The following TSKS variants were observed in gnomAD, a reference collection of about 807,000 sequenced individuals.
TSKS encodes the protein testis-specific serine kinase substrate.
Under a neutral mutation model 68.0 loss-of-function variants are expected in TSKS, and 27 were observed. The ratio of observed to expected loss-of-function variants is 0.40; its 90% CI spans 0.29 to 0.55. The LOEUF is 0.55. Among genes scored for constraint, TSKS ranks in the 20% least tolerant of loss-of-function variants. The probability of loss-of-function intolerance (pLI) is 0.53; values close to 1 mark genes in which losing one functional copy is unlikely to be tolerated. For synonymous variants in TSKS, 331 were observed against 340.4 expected (o/e 0.97, Z 0.30); for missense variants, 806 against 776.0 (o/e 1.04, Z -0.46).
At position 49,740,098 on chromosome 19, in the gene TSKS, C is replaced by G. The variant is rs530546172; in HGVS notation, c.1583G>C (p.Arg528Pro). 6.2e-7 allele frequency: 1 copy of G among 1,614,146 alleles called. No individual in the cohort carries two copies. Among genetic ancestry groups the G allele is most frequent in the Non-Finnish European group, 8.5e-7 (1 of 1,180,032 alleles). Residue 528 changes from arginine to proline, a missense_variant, in exon 10 of 11, where the codon CGG becomes CCG. Physicochemically the swap from Arg to Pro is moderately radical, Grantham distance 103. Coordinates refer to ENST00000246801, the MANE Select transcript of TSKS (RefSeq NM_021733.2). ...GTCTGTCAGCAGTAGGTTCTTGGCC[C>G]GCAGGGCCTCGTCTTGGGCCAGCCG... ...TLRLAQDEALRAKNLLLTDKM... is the reference protein window; with the variant it reads ...TLRLAQDEALPAKNLLLTDKM...
chr19:49,763,095 C>T lies in TSKS; in HGVS notation c.153G>A (p.Lys51=). ...SRAKGIPKKK[K]AVSFHGVEPQ... ...AAACCCACCCGTGGAACGACACGGCCTTCTTTTTCTTCGGGATCCCCTTGG... is the reference window on the plus strand; with the variant it reads ...AAACCCACCCGTGGAACGACACGGCTTTCTTTTTCTTCGGGATCCCCTTGG... The change falls in exon 1 of 11, where the codon AAG becomes AAA. Residue 51 remains lysine, a synonymous_variant. Coordinates refer to ENST00000246801, the MANE Select transcript of TSKS (RefSeq NM_021733.2). The surrounding 1 kb of genome is among the most constrained non-coding windows in gnomAD (Gnocchi z 4.5). 6.2e-7 allele frequency: 1 copy of T among 1,612,336 alleles called. No individual in the cohort carries two copies. The highest frequency in any genetic ancestry group is 8.5e-7 in the Non-Finnish European group (1 of 1,179,136).
chr19:49,763,115 C>T lies in TSKS; in HGVS notation c.133G>A (p.Gly45Arg), dbSNP rs1313304722. 3.1e-6 allele frequency: 5 copies of T among 1,612,470 alleles called. No homozygotes were observed. The highest frequency in any genetic ancestry group is 2.7e-5 in the African/African-American group (2 of 74,806). The change falls in exon 1 of 11, where the codon GGG (glycine) becomes AGG (arginine). Residue 45 changes from glycine (G) to arginine (R), a missense_variant. Transcript: ENST00000246801. The surrounding 1 kb of genome is among the most constrained non-coding windows in gnomAD (Gnocchi z 4.5). The stretch of plus-strand genomic sequence containing the variant: ...ACGGCCTTCTTTTTCTTCGGGATCC[C>T]CTTGGCCCGGCTGGTCACCCTCCGG... ...APRRVTSRAKGIPKKKKAVSF... is the reference protein window; with the variant it reads ...APRRVTSRAKRIPKKKKAVSF...
chr19:49,741,751 C>T, intron 9 of TSKS, 134 bp downstream of exon 9: 1 of 1,254,422 alleles, frequency 8.0e-7, no homozygotes, highest in South Asian at 1.3e-5. Context: ...CAAGTCCTCC[C>T]CCAGTGCCTG....
chr19:49,748,788 C>T (rs1412358188), intron 2 of TSKS, among the ~76,000 whole-genome samples: 2 of 152,068 alleles, frequency 1.3e-5, no homozygotes, highest in South Asian at 2.1e-4. Context: ...CCTTGGGGGC[C>T]AGGTGCCGTG....
At position 49,748,311 on chromosome 19, in the gene TSKS, G is replaced by T. The variant is rs2084319949; in HGVS notation, c.495+63C>A. On this transcript the variant is annotated intron_variant, in intron 3 of 10. Transcript: ENST00000246801. ...TATGGGTGCATTCTGCTGGAGGCAG[G>T]CTCCAAGAAGGGAACTTGGCCCTGG... The T allele has an allele frequency of 1.4e-5, 22 of 1,575,840 alleles. No homozygotes were observed. The South Asian group carries it at 1.8e-4, about 13-fold the overall frequency.
At chr19:49,757,919 T>TCTC (rs900671586) in intron 2 of TSKS, among the ~76,000 whole-genome samples, 34 of 144,724 alleles carry the variant, frequency 2.3e-4, no homozygotes, top group Non-Finnish European at 7.5e-5. Context: ...TGAGATAGAG[T>TCTC]CTCACTCTGT....
At chr19:49,760,022 G>A (rs1036116775) in intron 2 of TSKS, among the ~76,000 whole-genome samples, 6 of 151,602 alleles carry the variant, frequency 4.0e-5, no homozygotes, top group African/African-American at 1.2e-4. Flanking sequence ...GTGTGGTGGC[G>A]CTCTTGTAAT....
rs373316647 is a variant in TSKS at position 49,760,413 on chromosome 19, C to T, written c.399+1591G>A. Among the ~76,000 whole-genome samples the T allele has an allele frequency of 1.8e-3, 267 of 151,700 alleles. 1 individual carries two copies. Among genetic ancestry groups the T allele is most frequent in the African/African-American group, 5.7e-3 (235 of 41,394 alleles). On this transcript the variant is annotated intron_variant, in intron 2 of 10. Coordinates refer to ENST00000246801, the MANE Select transcript of TSKS (RefSeq NM_021733.2). ...TCGGCTCACTGCAACCTCCGCCTCC[C>T]GGGTTCAAGCAATTCTCCTGCCTCA...
intron 1 of TSKS, 113 bp downstream of exon 1, chr19:49,762,965 G>T: frequency 7.3e-7 from 1 of 1,366,734 alleles, no homozygotes; most frequent in Non-Finnish European, 9.8e-7. Context: ...TCCTGCCCCC[G>T]ACCTGCTGGC....
At chr19:49,760,722 C>T (rs7250929) in intron 2 of TSKS, among the ~76,000 whole-genome samples, 21,556 of 151,780 alleles carry the variant, frequency 0.14, 2,174 homozygotes, top group African/African-American at 0.28. Context: ...CCCAGGAGTT[C>T]GAGGCTGCAG....
At chr19:49,746,379 C>G in intron 6 of TSKS, 91 bp downstream of exon 6, 1 of 1,495,818 alleles carries the variant, frequency 6.7e-7, no homozygotes, top group South Asian at 1.2e-5. Context: ...ACCCCCGTCC[C>G]TTGGGTCCCG....
chr19:49,759,617 C>T (rs2084423445), intron 2 of TSKS, among the ~76,000 whole-genome samples: 1 of 146,940 alleles, frequency 6.8e-6, no homozygotes, highest in South Asian at 2.2e-4. Flanking sequence ...GCTGTCACTC[C>T]AGCCTGGGCA....
At chr19:49,745,459 A>T in intron 6 of TSKS, 63 bp from the exon 7 acceptor site, 1 of 1,329,670 alleles carries the variant, frequency 7.5e-7, no homozygotes, top group Non-Finnish European at 1.0e-6. Flanking sequence ...ACCTACCCCC[A>T]CGAGATAGGT....
intron 2 of TSKS, among the ~76,000 whole-genome samples, chr19:49,750,265 T>C (rs1161105700): frequency 4.2e-5 from 4 of 96,198 alleles, no homozygotes; most frequent in Non-Finnish European, 5.8e-5. Flanking sequence ...TGACATTCTT[T>C]TTTTTTTTTT....
Position 49,746,765 on chromosome 19 carries a change from C to A in TSKS, c.697G>T (p.Asp233Tyr). ...KLRYLQQQLQ[D>Y]ETPRRQEAEL... is the part of the protein sequence containing the mutation. ...GCCTCCTGCCGTCGCGGCGTCTCAT[C>A]CTGCAGCTGCTGCTGGAGGTAGCGC... is the stretch of plus-strand genomic sequence containing the variant. Residue 233 changes from aspartate (D) to tyrosine (Y), a missense_variant, in exon 6 of 11, where the codon GAT becomes TAT. Coordinates refer to ENST00000246801, the MANE Select transcript of TSKS (RefSeq NM_021733.2). The A allele has an allele frequency of 6.2e-7, 1 of 1,601,074 alleles. No homozygotes were observed. Among genetic ancestry groups the A allele is most frequent in the African/African-American group, 1.3e-5 (1 of 75,062 alleles).
rs550246232 is a variant in TSKS, at chr19:49,762,871, C to A, written c.170+207G>T. Among the ~76,000 whole-genome samples the A allele has an allele frequency of 2.0e-5, 3 of 152,086 alleles. No homozygotes were observed. The South Asian group carries it at 6.2e-4, about 32-fold the overall frequency. On this transcript the variant is annotated intron_variant, in intron 1 of 10. Transcript: ENST00000246801. Reference sequence around the variant, plus strand: ...TTCCTCTCTCCATCCATCCCCATTACCTTCTTCCTCCCTCCATCCATCCCC... The same window carrying A: ...TTCCTCTCTCCATCCATCCCCATTAACTTCTTCCTCCCTCCATCCATCCCC...
intron 7 of TSKS, among the ~76,000 whole-genome samples, chr19:49,744,791 T>G (rs1002939253): frequency 6.6e-6 from 1 of 152,104 alleles, no homozygotes; most frequent in African/African-American, 2.4e-5. Context: ...GTCTCCGCTA[T>G]GTGGCCCAGG....
At chr19:49,761,881 G>C in intron 2 of TSKS, 123 bp downstream of exon 2, 1 of 738,432 alleles carries the variant, frequency 1.4e-6, no homozygotes, top group Non-Finnish European at 2.2e-6. Context: ...AGTTCCTCTG[G>C]GTCTCGAATG....
At chr19:49,755,987 C>T (rs763898328) in intron 2 of TSKS, among the ~76,000 whole-genome samples, 3 of 151,786 alleles carry the variant, frequency 2.0e-5, no homozygotes, top group South Asian at 2.1e-4. Context: ...GGCGACAGAG[C>T]GAGACTCCAT....
Sources: allele counts gnomAD v4.1 joint callset (sites outside exome capture counted in the v4.1 genomes callset), GRCh38; gene constraint gnomAD v4.1.1; non-coding constraint Gnocchi (gnomAD v3.1); transcripts MANE v1.5; gene names NCBI Gene and HGNC (gene_info 2026-07-23, HGNC 2026-07-21).